The following ANK3 variants were observed in gnomAD, a reference collection of about 807,000 sequenced individuals.
The protein encoded by ANK3 is ankyrin 3.
ANK3 carries 57 observed loss-of-function variants against 370.9 expected under a neutral mutation model. The ratio of observed to expected loss-of-function variants is 0.15; its 90% CI spans 0.12 to 0.19. The LOEUF is 0.19. Ranked by LOEUF, ANK3 falls within the 10% of genes least tolerant of loss-of-function variation. ANK3 has a pLI of 1.00. For synonymous variants in ANK3, 1,929 were observed against 1,946.3 expected, an observed-to-expected ratio of 0.99 and a Z score of 0.23; for missense variants, 4,439 against 5,302.1, an observed-to-expected ratio of 0.84 and a Z score of 5.06.
At chr10:60,389,289 C>A in intron 1 of ANK3, 136 bp downstream of exon 1, 1 of 793,186 alleles carries the variant, frequency 1.3e-6, no homozygotes, top group Non-Finnish European at 2.0e-6. Context: ...GGTTTATCAT[C>A]TGTTCCCAAT....
At chr10:60,056,092 C>A in intron 41 of ANK3, 56 bp from the exon 42 acceptor site, 1 of 1,530,448 alleles carries the variant, frequency 6.5e-7, no homozygotes, top group Non-Finnish European at 8.7e-7. Flanking sequence ...ATATAGGTTG[C>A]AGAAACTCTA....
At chr10:60,391,637 C>T (rs2063105174), upstream of ANK3, among the ~76,000 whole-genome samples, 1 of 152,208 alleles carries the variant, frequency 6.6e-6, no homozygotes, top group Non-Finnish European at 1.5e-5. Flanking sequence ...TCTTTTCTTT[C>T]TTTATAGACG....
intron 43 of ANK3, among the ~76,000 whole-genome samples, chr10:60,039,973 C>T (rs566822306): frequency 6.6e-6 from 1 of 152,234 alleles, no homozygotes; most frequent in East Asian, 1.9e-4. Context: ...TTGAGCTGTC[C>T]GAGCCTTAAT....
chr10:60,665,768 C>G (rs1192698150), intron 1 of ANK3, among the ~76,000 whole-genome samples: 2 of 152,196 alleles, frequency 1.3e-5, no homozygotes, highest in South Asian at 4.2e-4. Flanking sequence ...TCTCAACCAC[C>G]GTGTAATAAC....
intron 39 of ANK3, among the ~76,000 whole-genome samples, chr10:60,063,571 T>G (rs17802184): frequency 0.071 from 10,874 of 152,264 alleles, 538 homozygotes; most frequent in Non-Finnish European, 0.11. Flanking sequence ...TCAAAATAGG[T>G]CACCCTCATA....
intron 2 of ANK3, among the ~76,000 whole-genome samples, chr10:60,486,606 T>G (rs2075355252): frequency 6.6e-6 from 1 of 152,144 alleles, no homozygotes; most frequent in Non-Finnish European, 1.5e-5. Flanking sequence ...AACCTATGGT[T>G]ATTTGTAACA....
chr10:60,480,781 A>G (rs964464392), intron 2 of ANK3, among the ~76,000 whole-genome samples: 2 of 152,228 alleles, frequency 1.3e-5, no homozygotes, highest in Non-Finnish European at 2.9e-5. Flanking sequence ...CTTGCCAAAA[A>G]GTCACTCAAA....
At chr10:60,668,074 C>T (rs528171731) in intron 1 of ANK3, among the ~76,000 whole-genome samples, 3 of 151,552 alleles carry the variant, frequency 2.0e-5, no homozygotes, top group South Asian at 4.1e-4. Context: ...ACTTTAAAGA[C>T]CACTGCATTA....
chr10:60,469,079 A>G (rs1351124679), intron 2 of ANK3, among the ~76,000 whole-genome samples: 1 of 81,072 alleles, frequency 1.2e-5, no homozygotes, highest in African/African-American at 4.6e-5. Context: ...ATATATATAT[A>G]TATATATATA....
chr10:60,073,347 T>G lies in ANK3; in HGVS notation c.7534A>C (p.Lys2512Gln), dbSNP rs895713634. The change falls in exon 37 of 44, where the codon AAA (lysine) becomes CAA (glutamine). Residue 2512 changes from lysine to glutamine, a missense_variant. By Grantham distance (53) the Lys-to-Gln change is moderately conservative. Transcript: ENST00000280772. ...TTATAGATTTTGGAGAGAATTTCTT[T>G]TTTGGGGGCAGTGGCTATTTTTTCT... ...SREKIATAPK[K>Q]EILSKIYKDV... 3 of 1,613,940 alleles carry G rather than the reference T, an allele frequency of 1.9e-6. No homozygotes were observed. Among genetic ancestry groups the G allele is most frequent in the Non-Finnish European group, 2.5e-6 (3 of 1,180,004 alleles).
chr10:60,609,358 T>C (rs2078171534), intron 2 of ANK3, among the ~76,000 whole-genome samples: 1 of 152,138 alleles, frequency 6.6e-6, no homozygotes, highest in South Asian at 2.1e-4. Context: ...TGGAGGGAGC[T>C]TGTGATCAAG....
At chr10:60,721,460 G>C (rs190123346) in intron 1 of ANK3, among the ~76,000 whole-genome samples, 1 of 152,284 alleles carries the variant, frequency 6.6e-6, no homozygotes, top group Admixed American at 6.5e-5. Context: ...GATGGCAAAA[G>C]ATATTCTGTA....
At chr10:60,540,868 T>A (rs1378902443) in intron 2 of ANK3, among the ~76,000 whole-genome samples, 4 of 151,948 alleles carry the variant, frequency 2.6e-5, no homozygotes, top group Non-Finnish European at 5.9e-5. Context: ...TTCAGTTTTT[T>A]TAAATGTGCA....
At position 60,088,274 on chromosome 10, in the gene ANK3, G is replaced by A; in HGVS notation, c.3413C>T (p.Ser1138Phe). Residue 1138 changes from serine to phenylalanine, a missense_variant, in exon 29 of 44, where the codon TCC becomes TTC. This residue lies in a region of ANK3 where 702 missense variants were observed against 941.5 expected (regional missense o/e 0.75). Coordinates refer to ENST00000280772, the MANE Select transcript of ANK3 (RefSeq NM_020987.5). ...KDFPQYFAVV[S>F]RIKQESNQIG... ...CTGGTTGCTTTCCTGCTTAATCCGG[G>A]AAACCACTGCAAAATACTGGGGGAA... 1 of 1,614,126 alleles carries A rather than the reference G, an allele frequency of 6.2e-7. No homozygotes were observed. Among genetic ancestry groups the A allele is most frequent in the Non-Finnish European group, 8.5e-7 (1 of 1,180,016 alleles).
intron 1 of ANK3, among the ~76,000 whole-genome samples, chr10:60,293,337 C>T (rs1293289602): frequency 3.3e-5 from 5 of 152,102 alleles, no homozygotes; most frequent in South Asian, 2.1e-4. Context: ...TGGTTCATAG[C>T]GCTGAACTAG....
rs2131980584 is a variant in ANK3 at position 60,074,197 on chromosome 10, A to G, written c.6684T>C (p.Asp2228=). ...CTTTGCTTAAAACCCGATTGTGGTC[A>G]TCTTCTTCACTACTGGCTTTCATTT... ...AFQMKASSEE[D]DHNRVLSKGM... is the part of the protein sequence containing the mutation. The change falls in exon 37 of 44, where the codon GAT becomes GAC. Residue 2228 remains aspartate (D), a synonymous_variant. Transcript: ENST00000280772. 2 of 1,614,140 alleles carry G rather than the reference A, an allele frequency of 1.2e-6. No individual in the cohort carries two copies. Among genetic ancestry groups the G allele is most frequent in the Non-Finnish European group, 1.7e-6 (2 of 1,180,002 alleles).
chr10:60,326,067 A>G (rs2049783880), intron 1 of ANK3, among the ~76,000 whole-genome samples: 1 of 152,124 alleles, frequency 6.6e-6, no homozygotes, highest in African/African-American at 2.4e-5. Context: ...TACAAGTGGG[A>G]GCTAAATAAA....
At chr10:60,457,688 AAGAGTT>A (rs1403417660) in intron 2 of ANK3, among the ~76,000 whole-genome samples, 8 of 152,040 alleles carry the variant, frequency 5.3e-5, no homozygotes, top group Non-Finnish European at 8.8e-5. Flanking sequence ...ATGACAGGAA[AAGAGTT>A]AGAGTTAGGG....
chr10:60,091,636 C>T (rs1201158090), intron 28 of ANK3, among the ~76,000 whole-genome samples: 1 of 152,074 alleles, frequency 6.6e-6, no homozygotes, highest in Non-Finnish European at 1.5e-5. Flanking sequence ...AGAGCGACTG[C>T]CCTGTATAAC....
Sources: gnomAD v4.1 joint callset for allele counts (sites outside exome capture counted in the v4.1 genomes callset) on GRCh38, gnomAD v4.1.1 for gene constraint, gnomAD v4.1.1 regional missense constraint, MANE v1.5 for transcripts, NCBI Gene and HGNC (gene_info 2026-07-23, HGNC 2026-07-21) for gene names.